CPAMD8: variants seen among roughly 807,000 people sequenced by gnomAD.
CPAMD8 encodes C3 and PZP like alpha-2-macroglobulin domain containing 8.
A neutral mutation model predicts 224.7 loss-of-function variants in CPAMD8; 146 were observed. The observed-to-expected ratio is 0.65, with a 90% CI of 0.57 to 0.75. The LOEUF is 0.75. Among genes scored for constraint, CPAMD8 ranks in the 30% least tolerant of loss-of-function variants. CPAMD8 has a pLI of 0.00. For synonymous variants in CPAMD8, 966 were observed against 1,044.6 expected (o/e 0.92, Z 1.45); for missense variants, 2,301 against 2,537.5 (o/e 0.91, Z 2.00).
Position 16,898,553 on chromosome 19 carries a change from A to G in CPAMD8, c.4849-559T>C, listed in dbSNP as rs540783872. ...TACTGTGCAATCATCACCTCTGTCT[A>G]GTTACAGAACGGTTTCTTTCTCCCC... is the stretch of plus-strand genomic sequence containing the variant. On this transcript the variant is annotated intron_variant, in intron 37 of 41. Coordinates refer to ENST00000443236, the MANE Select transcript of CPAMD8 (RefSeq NM_015692.5). The surrounding 1 kb of genome is among the most constrained non-coding windows in gnomAD (Gnocchi z 4.2). Among the ~76,000 whole-genome samples, 1 of 152,038 alleles carries G rather than the reference A, an allele frequency of 6.6e-6. No individual in the cohort carries two copies. Among genetic ancestry groups the G allele is most frequent in the Non-Finnish European group, 1.5e-5 (1 of 67,994 alleles).
chr19:16,924,259 G>T (rs542090809), intron 26 of CPAMD8, among the ~76,000 whole-genome samples: 2 of 151,800 alleles, frequency 1.3e-5, no homozygotes, highest in Non-Finnish European at 2.9e-5. Context: ...AAGTGGGTTT[G>T]GGGGGAAGAT....
At position 16,914,747 on chromosome 19, in the gene CPAMD8, C is replaced by T. The variant is rs765144234; in HGVS notation, c.3696G>A (p.Glu1232=). 4 of 1,613,974 alleles carry T rather than the reference C, an allele frequency of 2.5e-6. No homozygotes were observed. In the South Asian group the frequency reaches 4.4e-5, roughly 18 times the overall value. The change falls in exon 28 of 42, where the codon GAG becomes GAA. Residue 1232 remains glutamate (E), a synonymous_variant. Coordinates refer to ENST00000443236, the MANE Select transcript of CPAMD8 (RefSeq NM_015692.5). The stretch of plus-strand genomic sequence containing the variant: ...TGATCCAGCTCTTGGCGGCAGCCAG[C>T]TCCCGGGGGTCCACGAAGATAAAGC... ...ARSFIFVDPR[E]LAAAKSWIIQ...
intron 23 of CPAMD8, among the ~76,000 whole-genome samples, chr19:16,937,183 G>A (rs1463206561): frequency 6.6e-6 from 1 of 151,506 alleles, no homozygotes; most frequent in Non-Finnish European, 1.5e-5. Context: ...CAACCAGGCT[G>A]GAGTGTAGTG....
chr19:16,974,536 A>G (rs949514682), intron 17 of CPAMD8, among the ~76,000 whole-genome samples: 1 of 151,968 alleles, frequency 6.6e-6, no homozygotes, highest in African/African-American at 2.4e-5. Context: ...AAGCACGTCA[A>G]TGTCATAACA....
At chr19:16,978,125 A>G (rs2055348056) in intron 14 of CPAMD8, among the ~76,000 whole-genome samples, 1 of 152,190 alleles carries the variant, frequency 6.6e-6, no homozygotes, top group Non-Finnish European at 1.5e-5. Flanking sequence ...AGAATGGGCC[A>G]TCTGTCAGCT....
chr19:17,024,591 T>G (rs1380507568), intron 1 of CPAMD8, among the ~76,000 whole-genome samples: 4 of 152,212 alleles, frequency 2.6e-5, no homozygotes, highest in Non-Finnish European at 4.4e-5. Flanking sequence ...CCTTTGAAAC[T>G]CCTGACAATA....
Position 16,897,878 on chromosome 19 carries a change from C to T in CPAMD8, c.4954+11G>A. On this transcript the variant is annotated intron_variant, in intron 38 of 41. Transcript: ENST00000443236. ...CCGGGCCGGGCCGGGGGTGCGGGCGCGCGGGCCTACCGGGTTCGTAGTAGT... is the reference window on the plus strand; with the variant it reads ...CCGGGCCGGGCCGGGGGTGCGGGCGTGCGGGCCTACCGGGTTCGTAGTAGT... The T allele has an allele frequency of 1.3e-6, 2 of 1,599,790 alleles. No homozygotes were observed. The highest frequency in any genetic ancestry group is 1.7e-6 in the Non-Finnish European group (2 of 1,173,820).
chr19:16,945,640 T>A lies in CPAMD8; in HGVS notation c.2702A>T (p.Asp901Val), dbSNP rs2054046846. The change falls in exon 22 of 42, where the codon GAT (aspartate) becomes GTT (valine). Residue 901 changes from aspartate (D) to valine (V), a missense_variant. By Grantham distance (152) the Asp-to-Val change is radical (BLOSUM62 -3). Transcript: ENST00000443236. ...LAYGDTNCCR[D>V]GRSSKHPEEN... ...CTCAGGGTGTTTGCTGGACCTCCCATCCCGGCAGCAATTTGTGTCTCCGTA... is the reference window on the plus strand; with the variant it reads ...CTCAGGGTGTTTGCTGGACCTCCCAACCCGGCAGCAATTTGTGTCTCCGTA... The A allele has an allele frequency of 1.2e-6, 2 of 1,614,010 alleles. No individual in the cohort carries two copies. The highest frequency in any genetic ancestry group is 1.7e-6 in the Non-Finnish European group (2 of 1,179,982).
intron 20 of CPAMD8, among the ~76,000 whole-genome samples, chr19:16,951,727 G>A (rs891743915): frequency 2.6e-5 from 4 of 151,988 alleles, no homozygotes; most frequent in East Asian, 1.9e-4. Context: ...CGGCTTTGAC[G>A]GTTGGTGAAT....
intron 22 of CPAMD8, among the ~76,000 whole-genome samples, chr19:16,943,004 CT>C (rs1324758997): frequency 8.9e-5 from 12 of 134,226 alleles, no homozygotes; most frequent in Non-Finnish European, 1.3e-4. Context: ...TTTCTTTTTT[CT>C]TTTTTCTTTT....
chr19:16,935,150 A>G lies in CPAMD8; in HGVS notation c.2845+3245T>C, dbSNP rs144779410. ...AGATAATCACATGCAATTGTTATAA[A>G]TAATTCAGAGAGCTCTCTGTACCCG... On this transcript the variant is annotated intron_variant, in intron 23 of 41. Transcript: ENST00000443236. Among the ~76,000 whole-genome samples the G allele has an allele frequency of 1.8e-3, 275 of 152,342 alleles. 2 individuals are homozygous for G. The highest frequency in any genetic ancestry group is 6.8e-3 in the Middle Eastern group (2 of 294).
Position 16,976,058 on chromosome 19 carries a change from C to T in CPAMD8, c.1852G>A (p.Ala618Thr), listed in dbSNP as rs778530673. ...AARGSCVCVA[A>T]VDKSVYLLRS... ...AGCAGGTAGACACTCTTATCAACTGCGGCGACGCACACACAGCTGCCCCTT... is the reference window on the plus strand; with the variant it reads ...AGCAGGTAGACACTCTTATCAACTGTGGCGACGCACACACAGCTGCCCCTT... The change falls in exon 16 of 42, where the codon GCA becomes ACA. Residue 618 changes from alanine to threonine, a missense_variant. This residue lies in a region of CPAMD8 where 1,709 missense variants were observed against 1,753.2 expected (regional missense o/e 0.97). Coordinates refer to ENST00000443236, the MANE Select transcript of CPAMD8 (RefSeq NM_015692.5). The T allele has an allele frequency of 1.7e-5, 27 of 1,611,106 alleles. No homozygotes were observed. The highest frequency in any genetic ancestry group is 3.3e-5 in the South Asian group (3 of 90,754).
chr19:16,906,386 CTTTCT>C lies in CPAMD8; in HGVS notation c.4027+561_4027+565del, dbSNP rs1216807341. On this transcript the variant is annotated intron_variant, in intron 30 of 41. Coordinates refer to ENST00000443236, the MANE Select transcript of CPAMD8 (RefSeq NM_015692.5). ...TCTTTCTTTCTTTCTTTCTTTCTTT[CTTTCT>C]TTCTTTCTTTCTTTCTTTCCTTCCT... 1.0e-3 allele frequency among the ~76,000 whole-genome samples: 77 copies of C among 75,564 alleles called. No homozygotes were observed. In the South Asian group the frequency reaches 0.011, roughly 11 times the overall value. The allele number at this position is 75,564 out of a possible 152,430, so 49.6% of individuals were successfully genotyped here.
At position 16,906,382 on chromosome 19, in the gene CPAMD8, CTTTCTTTCTTTCT is replaced by C. The variant is rs1568459501; in HGVS notation, c.4027+557_4027+569del. 2.3e-3 allele frequency among the ~76,000 whole-genome samples: 160 copies of C among 70,660 alleles called. 5 individuals carry two copies. The highest frequency in any genetic ancestry group is 7.3e-3 in the South Asian group (12 of 1,638). 46.4% of individuals were successfully genotyped at this position (70,660 alleles called of 152,430 possible). On this transcript the variant is annotated intron_variant, in intron 30 of 41. Coordinates refer to ENST00000443236, the MANE Select transcript of CPAMD8 (RefSeq NM_015692.5). ...TCTTTCTTTCTTTCTTTCTTTCTTT[CTTTCTTTCTTTCT>C]TTCTTTCTTTCTTTCCTTCCTTCCT... is the stretch of plus-strand genomic sequence containing the variant.
At chr19:17,000,892 G>A (rs528016236) in intron 9 of CPAMD8, among the ~76,000 whole-genome samples, 59 of 152,288 alleles carry the variant, frequency 3.9e-4, no homozygotes, top group African/African-American at 1.3e-3. Context: ...ACCAAGGACC[G>A]AACTTCTCTG....
chr19:16,989,889 T>C, intron 12 of CPAMD8, 118 bp from the exon 13 acceptor site: 1 of 950,832 alleles, frequency 1.1e-6, no homozygotes, highest in Non-Finnish European at 1.6e-6. Context: ...AATATCCCTT[T>C]GGGGAACCCC....
chr19:17,012,428 G>A lies in CPAMD8; in HGVS notation c.268-671C>T, dbSNP rs545170464. On this transcript the variant is annotated intron_variant, in intron 3 of 41. Transcript: ENST00000443236. Reference sequence around the variant, plus strand: ...AGTGGTGCAATTATGGCTCACTGCGGCCTTGGCCTGCTGGGCGCAAGCAAT... The same window carrying A: ...AGTGGTGCAATTATGGCTCACTGCGACCTTGGCCTGCTGGGCGCAAGCAAT... 7.8e-4 allele frequency among the ~76,000 whole-genome samples: 117 copies of A among 150,598 alleles called. 2 individuals carry two copies. The highest frequency in any genetic ancestry group is 2.7e-3 in the African/African-American group (112 of 41,132).
intron 29 of CPAMD8, among the ~76,000 whole-genome samples, chr19:16,909,457 T>C (rs1170009597): frequency 6.6e-6 from 1 of 152,030 alleles, no homozygotes; most frequent in Non-Finnish European, 1.5e-5. Context: ...GGTGGAAGAA[T>C]GGCATGAACC....
At position 17,026,051 on chromosome 19, in the gene CPAMD8, C is replaced by T. The variant is rs1459563689; in HGVS notation, c.92+500G>A. ...GGTTTAGAAATATTCTCTGTGAAGC[C>T]AACTTAGCAGTACTCCCCAGCAGTT... On this transcript the variant is annotated intron_variant, in intron 1 of 41. Coordinates refer to ENST00000443236, the MANE Select transcript of CPAMD8 (RefSeq NM_015692.5). Among the ~76,000 whole-genome samples, 8 of 152,286 alleles carry T rather than the reference C, an allele frequency of 5.3e-5. No individual in the cohort carries two copies. In the South Asian group the frequency reaches 1.5e-3, roughly 28 times the overall value.
Sources: allele counts gnomAD v4.1 joint callset (sites outside exome capture counted in the v4.1 genomes callset), GRCh38; gene constraint gnomAD v4.1.1; regional missense constraint gnomAD v4.1.1; non-coding constraint Gnocchi (gnomAD v3.1); transcripts MANE v1.5; gene names NCBI Gene and HGNC (gene_info 2026-07-23, HGNC 2026-07-21).